RNF38: variants seen among roughly 807,000 people sequenced by gnomAD.
RNF38 encodes the protein E3 ubiquitin-protein ligase RNF38.
In RNF38, 15 loss-of-function variants were observed where a neutral mutation model predicts 67.2. The ratio of observed to expected loss-of-function variants is 0.22; its 90% CI spans 0.15 to 0.34. RNF38 has a LOEUF of 0.34. RNF38 is among the 10% of genes least tolerant of loss of function. RNF38 has a pLI of 1.00. For missense variants in RNF38, 524 were observed against 639.9 expected (o/e 0.82, Z 1.95); for synonymous variants, 220 against 218.8 (o/e 1.01, Z -0.05).
intron 2 of RNF38, among the ~76,000 whole-genome samples, chr9:36,383,688 A>C (rs1206882833): frequency 6.6e-6 from 1 of 152,138 alleles, no homozygotes. Context: ...CTGAAATGTT[A>C]TTTTACTTGC....
upstream of RNF38, chr9:36,401,321 C>T (rs1838023152): frequency 1.5e-6 from 1 of 651,316 alleles, no homozygotes; most frequent in Non-Finnish European, 1.9e-6. Context: ...CCCCGCTGCC[C>T]TGCGGACCGC....
intron 1 of RNF38, among the ~76,000 whole-genome samples, chr9:36,484,650 T>C (rs1329609707): frequency 6.6e-6 from 1 of 152,134 alleles, no homozygotes; most frequent in African/African-American, 2.4e-5. Flanking sequence ...AAGACAATCA[T>C]TACACTTAAT....
chr9:36,397,990 A>G (rs1837667106), intron 1 of RNF38, among the ~76,000 whole-genome samples: 2 of 152,212 alleles, frequency 1.3e-5, no homozygotes, highest in Admixed American at 1.3e-4. Context: ...CACACGGCGC[A>G]CACACATATA....
intron 1 of RNF38, among the ~76,000 whole-genome samples, chr9:36,485,311 T>TATATATATATATATATATAC (rs960400403): frequency 6.6e-6 from 1 of 151,970 alleles, no homozygotes; most frequent in African/African-American, 2.4e-5. Context: ...AGGGTATATA[T>TATATATATATATATATATAC]ACACACACAC....
intron 2 of RNF38, among the ~76,000 whole-genome samples, chr9:36,421,536 G>A (rs1838627821): frequency 6.6e-6 from 1 of 152,100 alleles, no homozygotes. Context: ...GGTAGCGGAT[G>A]CCTGTAATCC....
At chr9:36,425,821 C>T (rs116659176) in intron 1 of RNF38, among the ~76,000 whole-genome samples, 119 of 152,304 alleles carry the variant, frequency 7.8e-4, no homozygotes, top group African/African-American at 2.8e-3. Flanking sequence ...AAAACCCCTC[C>T]TGAGTAGCTG....
At chr9:36,458,451 C>T (rs1479178581) in intron 1 of RNF38, among the ~76,000 whole-genome samples, 2 of 152,206 alleles carry the variant, frequency 1.3e-5, no homozygotes, top group Non-Finnish European at 2.9e-5. Context: ...CTGCTGCTCA[C>T]TCTTTGGGTC....
At chr9:36,461,297 C>T (rs1371693099) in intron 1 of RNF38, among the ~76,000 whole-genome samples, 4 of 152,076 alleles carry the variant, frequency 2.6e-5, no homozygotes, top group Non-Finnish European at 5.9e-5. Context: ...AAGCTGTATG[C>T]TATAAAGGAA....
intron 4 of RNF38, among the ~76,000 whole-genome samples, chr9:36,366,463 T>C (rs1191225219): frequency 6.6e-6 from 1 of 152,190 alleles, no homozygotes; most frequent in Non-Finnish European, 1.5e-5. Flanking sequence ...TTCTGTTTGA[T>C]TCTGGTATTA....
intron 2 of RNF38, among the ~76,000 whole-genome samples, chr9:36,385,570 G>A (rs1280454137): frequency 1.3e-5 from 2 of 151,926 alleles, no homozygotes; most frequent in Non-Finnish European, 2.9e-5. Context: ...GTAGAGATGG[G>A]GTTTCACCAT....
intron 1 of RNF38, among the ~76,000 whole-genome samples, chr9:36,453,066 G>C (rs529099199): frequency 1.3e-5 from 2 of 152,170 alleles, no homozygotes; most frequent in African/African-American, 4.8e-5. Flanking sequence ...ACTTTTTGAG[G>C]AACGGCCAAA....
intron 4 of RNF38, among the ~76,000 whole-genome samples, chr9:36,359,869 G>A (rs1317371796): frequency 2.0e-5 from 3 of 150,832 alleles, no homozygotes; most frequent in Non-Finnish European, 2.9e-5. Flanking sequence ...CCTTAGCCCC[G>A]CCCCGAGTAG....
chr9:36,346,974 G>C (rs1833285990), intron 9 of RNF38, among the ~76,000 whole-genome samples: 1 of 151,812 alleles, frequency 6.6e-6, no homozygotes, highest in African/African-American at 2.4e-5. Flanking sequence ...AAAAAAATTA[G>C]ACAGGCATGG....
At chr9:36,419,440 T>C (rs1564055531) in intron 2 of RNF38, among the ~76,000 whole-genome samples, 1 of 152,196 alleles carries the variant, frequency 6.6e-6, no homozygotes, top group African/African-American at 2.4e-5. Flanking sequence ...CTCTTCTATT[T>C]TCGTTTCTCA....
chr9:36,428,454 C>CATATATATAT (rs10588812), intron 1 of RNF38, among the ~76,000 whole-genome samples: 136 of 146,174 alleles, frequency 9.3e-4, no homozygotes, highest in African/African-American at 3.3e-3. Flanking sequence ...CTATTGTTTA[C>CATATATATAT]ATATATATAT....
chr9:36,431,673 C>T (rs1320697032), intron 1 of RNF38, among the ~76,000 whole-genome samples: 1 of 152,166 alleles, frequency 6.6e-6, no homozygotes, highest in Non-Finnish European at 1.5e-5. Flanking sequence ...AGAAGCTCTC[C>T]AAACTCTATT....
At chr9:36,442,756 C>T (rs1839221098) in intron 1 of RNF38, among the ~76,000 whole-genome samples, 1 of 152,192 alleles carries the variant, frequency 6.6e-6, no homozygotes, top group Non-Finnish European at 1.5e-5. Context: ...TCTAGCCTGG[C>T]AACAGAGAGA....
At chr9:36,347,124 G>A (rs1202506506) in intron 9 of RNF38, among the ~76,000 whole-genome samples, 1 of 1,174 alleles carries the variant, frequency 8.5e-4, no homozygotes, top group Non-Finnish European at 5.9e-3. Flanking sequence ...CCATCTCGGG[G>A]GGGGGGGGGG....
intron 1 of RNF38, among the ~76,000 whole-genome samples, chr9:36,445,538 C>T (rs1439722680): frequency 6.6e-6 from 1 of 152,092 alleles, no homozygotes; most frequent in Non-Finnish European, 1.5e-5. Context: ...GGAACCCATA[C>T]GGGTATAGAG....
Sources: gnomAD v4.1 joint callset for allele counts (sites outside exome capture counted in the v4.1 genomes callset) on GRCh38, gnomAD v4.1.1 for gene constraint, MANE v1.5 for transcripts, NCBI Gene and HGNC (gene_info 2026-07-23, HGNC 2026-07-21) for gene names.